PPP4R4: variants seen among roughly 807,000 people sequenced by gnomAD.
The protein encoded by PPP4R4 is protein phosphatase 4 regulatory subunit 4.
In PPP4R4, 70 loss-of-function variants were observed where a neutral mutation model predicts 121.8. The ratio of observed to expected loss-of-function variants is 0.57; its 90% CI spans 0.47 to 0.70. The LOEUF (loss-of-function observed/expected upper bound fraction) is 0.70. PPP4R4 is among the 30% of genes least tolerant of loss of function. PPP4R4 has a pLI of 0.00. For missense variants in PPP4R4, 875 were observed against 1,033.6 expected (o/e 0.85, Z 2.10); for synonymous variants, 348 against 355.7 (o/e 0.98, Z 0.24).
intron 3 of PPP4R4, among the ~76,000 whole-genome samples, chr14:94,218,934 A>G (rs559554741): frequency 1.3e-5 from 2 of 152,304 alleles, no homozygotes; most frequent in South Asian, 2.1e-4. Context: ...TAAAAAGTCA[A>G]CTGAAATATA....
intron 3 of PPP4R4, among the ~76,000 whole-genome samples, chr14:94,225,758 T>G (rs1173228063): frequency 6.6e-6 from 1 of 152,160 alleles, no homozygotes; most frequent in Non-Finnish European, 1.5e-5. Flanking sequence ...GGGACTTGAA[T>G]GAAATTAAAA....
chr14:94,238,188 C>T (rs28607801), intron 8 of PPP4R4, among the ~76,000 whole-genome samples: 22 of 152,230 alleles, frequency 1.4e-4, no homozygotes, highest in Middle Eastern at 3.2e-3. Context: ...AGTCAACCCA[C>T]GAGGGTGGAG....
chr14:94,240,591 G>A (rs1455915950), intron 8 of PPP4R4, 82 bp from the exon 9 acceptor site: 1 of 1,408,444 alleles, frequency 7.1e-7, no homozygotes, highest in East Asian at 2.6e-5. Context: ...TTTCTTTCTG[G>A]AATTTGTGTG....
At chr14:94,181,136 T>C (rs1888962882) in intron 2 of PPP4R4, among the ~76,000 whole-genome samples, 1 of 152,200 alleles carries the variant, frequency 6.6e-6, no homozygotes, top group Non-Finnish European at 1.5e-5. Context: ...ATGACGTGTG[T>C]CCCCACATTT....
chr14:94,251,615 C>T, intron 15 of PPP4R4, 134 bp from the exon 16 acceptor site: 1 of 588,904 alleles, frequency 1.7e-6, no homozygotes, highest in African/African-American at 1.9e-5. Flanking sequence ...TGATATTTTT[C>T]CTCTTATGTC....
intron 2 of PPP4R4, among the ~76,000 whole-genome samples, chr14:94,195,648 T>G (rs1889830220): frequency 6.6e-6 from 1 of 152,092 alleles, no homozygotes; most frequent in Non-Finnish European, 1.5e-5. Flanking sequence ...ACCTACTAGA[T>G]TACAGTAGTA....
intron 3 of PPP4R4, among the ~76,000 whole-genome samples, chr14:94,209,351 A>G (rs574465898): frequency 1.5e-4 from 23 of 152,122 alleles, no homozygotes; most frequent in Admixed American, 8.5e-4. Context: ...TTATTTGGAT[A>G]TAGCTCTTGT....
chr14:94,211,099 C>T (rs924222061), intron 3 of PPP4R4, among the ~76,000 whole-genome samples: 1 of 152,140 alleles, frequency 6.6e-6, no homozygotes, highest in Admixed American at 6.5e-5. Flanking sequence ...GTAATAATGG[C>T]ATTCTCATTC....
rs141462461 is a variant in PPP4R4 at position 94,266,961 on chromosome 14, A to C, written c.2381A>C (p.Lys794Thr). ...KYGNLEKCASKSSTTGYTTSV... is the reference protein window; with the variant it reads ...KYGNLEKCASTSSTTGYTTSV... ...AACTAAATCATGTTGTTTTCTAGTAAAAGTTCTACAACAGGATATACAACT... is the reference window on the plus strand; with the variant it reads ...AACTAAATCATGTTGTTTTCTAGTACAAGTTCTACAACAGGATATACAACT... The change falls in exon 23 of 25, where the codon AAA becomes ACA. Residue 794 changes from lysine (K) to threonine (T), a missense_variant and splice_region_variant. Transcript: ENST00000304338. The C allele has an allele frequency of 3.4e-5, 54 of 1,568,460 alleles. No homozygotes were observed. Among genetic ancestry groups the C allele is most frequent in the Non-Finnish European group, 4.4e-5 (50 of 1,145,202 alleles).
chr14:94,237,581 A>G lies in PPP4R4; in HGVS notation c.748A>G (p.Ser250Gly), dbSNP rs1274537347. The change falls in exon 8 of 25, where the codon AGT (serine) becomes GGT (glycine). Residue 250 changes from serine (S) to glycine (G), a missense_variant. Coordinates refer to ENST00000304338, the MANE Select transcript of PPP4R4 (RefSeq NM_058237.2). ...ATTGTGCAGGACAGAACTTACAAAA[A>G]GTGTGGTGCTCCCTGAATTAATAGA... ...AQGIGTELTK[S>G]VVLPELIELS... is the part of the protein sequence containing the mutation. 5.0e-6 allele frequency: 8 copies of G among 1,612,554 alleles called. No individual in the cohort carries two copies. In the South Asian group the frequency reaches 7.7e-5, roughly 15 times the overall value.
At chr14:94,221,867 G>A (rs1053792476) in intron 3 of PPP4R4, among the ~76,000 whole-genome samples, 1 of 151,978 alleles carries the variant, frequency 6.6e-6, no homozygotes, top group African/African-American at 2.4e-5. Flanking sequence ...AGAAAATGAA[G>A]CATCTTTTCA....
chr14:94,223,164 A>C (rs1443501267), intron 3 of PPP4R4, among the ~76,000 whole-genome samples: 1 of 152,014 alleles, frequency 6.6e-6, no homozygotes, highest in East Asian at 1.9e-4. Flanking sequence ...ATATAGCACT[A>C]GTATCTGGAG....
chr14:94,250,157 A>T lies in PPP4R4; in HGVS notation c.1612-15A>T, dbSNP rs779142575. The T allele has an allele frequency of 7.4e-5, 113 of 1,536,892 alleles. No homozygotes were observed. The highest frequency in any genetic ancestry group is 4.3e-4 in the East Asian group (19 of 44,454). On this transcript the variant is annotated splice_polypyrimidine_tract_variant and intron_variant, in intron 14 of 24. Transcript: ENST00000304338. Reference sequence around the variant, plus strand: ...TTAGCCTAGTGTAACTGTCTGTCTTACTTACTTCTTCAAGAATGTTTTACC... The same window carrying T: ...TTAGCCTAGTGTAACTGTCTGTCTTTCTTACTTCTTCAAGAATGTTTTACC...
chr14:94,191,520 T>C (rs780889319), intron 2 of PPP4R4, among the ~76,000 whole-genome samples: 1 of 152,206 alleles, frequency 6.6e-6, no homozygotes, highest in Non-Finnish European at 1.5e-5. Context: ...TTCTCTCTTC[T>C]AGCTATTTGA....
At chr14:94,220,457 G>C (rs1249315900) in intron 3 of PPP4R4, among the ~76,000 whole-genome samples, 2 of 151,934 alleles carry the variant, frequency 1.3e-5, no homozygotes, top group Non-Finnish European at 2.9e-5. Flanking sequence ...AAGAAGTAAA[G>C]CTGTCTTTTT....
rs1292404086 is a variant in PPP4R4, at chr14:94,220,804, C to T, written c.295-9783C>T. Among the ~76,000 whole-genome samples, 8 of 152,244 alleles carry T rather than the reference C, an allele frequency of 5.3e-5. No individual in the cohort carries two copies. The South Asian group carries it at 1.7e-3, about 32-fold the overall frequency. The stretch of plus-strand genomic sequence containing the variant: ...AGAAGACTCAATATTGTGAAGATGT[C>T]AGTTTGCCCCAGATCAATGCGTATA... On this transcript the variant is annotated intron_variant, in intron 3 of 24. Coordinates refer to ENST00000304338, the MANE Select transcript of PPP4R4 (RefSeq NM_058237.2).
At chr14:94,242,191 G>A in intron 10 of PPP4R4, 98 bp from the exon 11 acceptor site, 2 of 1,398,710 alleles carry the variant, frequency 1.4e-6, no homozygotes. Context: ...ACAATTCAGA[G>A]AACATGATTT....
chr14:94,269,344 T>A (rs1479758170), intron 23 of PPP4R4, among the ~76,000 whole-genome samples: 1 of 152,006 alleles, frequency 6.6e-6, no homozygotes, highest in Non-Finnish European at 1.5e-5. Context: ...CTAGTTTGGC[T>A]GGAGTGTGGA....
intron 3 of PPP4R4, chr14:94,227,430 A>G: frequency 6.3e-7 from 1 of 1,576,016 alleles, no homozygotes; most frequent in Non-Finnish European, 8.6e-7. Context: ...TGTTTAGAAA[A>G]TCAGTTGATT....
Sources: gnomAD v4.1 joint callset for allele counts (sites outside exome capture counted in the v4.1 genomes callset) on GRCh38, gnomAD v4.1.1 for gene constraint, MANE v1.5 for transcripts, NCBI Gene and HGNC (gene_info 2026-07-23, HGNC 2026-07-21) for gene names.